MYT1: variants seen among roughly 807,000 people sequenced by gnomAD.
MYT1 encodes myelin transcription factor 1, also known as myelin transcription factor I.
Under a neutral mutation model 123.0 loss-of-function variants are expected in MYT1, and 23 were observed. The ratio of observed to expected loss-of-function variants is 0.19; its 90% CI spans 0.13 to 0.26. The LOEUF is 0.26. MYT1 is among the 10% of genes least tolerant of loss of function. The pLI, the probability that MYT1 is intolerant of heterozygous loss-of-function variation, is 1.00. For missense variants in MYT1, 1,125 were observed against 1,472.5 expected (o/e 0.76, Z 3.86); for synonymous variants, 518 against 575.3 (o/e 0.90, Z 1.43).
At chr20:64,179,827 C>T (rs1982585632) in intron 1 of MYT1, among the ~76,000 whole-genome samples, 1 of 151,910 alleles carries the variant, frequency 6.6e-6, no homozygotes, top group Non-Finnish European at 1.5e-5. Flanking sequence ...CACAGTTACA[C>T]AATGCTACAC....
chr20:64,219,242 G>C (rs1288618169), intron 12 of MYT1, among the ~76,000 whole-genome samples: 1 of 152,244 alleles, frequency 6.6e-6, no homozygotes, highest in Non-Finnish European at 1.5e-5. Context: ...GGTGTGCTGA[G>C]TGAAGGGGGA....
rs34822167 is a variant in MYT1 at position 64,198,286 on chromosome 20, C to CAAAAAAAA, written c.1-556_1-549dup. ...TGGGCGACAGAGCGAGACTCCGTCT[C>CAAAAAAAA]AAAAAAAAAAAAAAAAAAAAAAAAA... is the stretch of plus-strand genomic sequence containing the variant. On this transcript the variant is annotated intron_variant, in intron 2 of 22. Coordinates refer to ENST00000328439, the MANE Select transcript of MYT1 (RefSeq NM_004535.3). 2.6e-3 allele frequency among the ~76,000 whole-genome samples: 63 copies of CAAAAAAAA among 23,822 alleles called. 2 individuals are homozygous for CAAAAAAAA. Among genetic ancestry groups the CAAAAAAAA allele is most frequent in the African/African-American group, 6.7e-3 (60 of 8,958 alleles). The allele number at this position is 23,822 out of a possible 152,430, so 15.6% of individuals were successfully genotyped here. A position where few individuals can be genotyped will look rare whatever the true frequency, so the allele number is the denominator to read the frequency against.
At chr20:64,209,471 C>G (rs1337405104) in intron 7 of MYT1, among the ~76,000 whole-genome samples, 1 of 152,210 alleles carries the variant, frequency 6.6e-6, no homozygotes, top group Non-Finnish European at 1.5e-5. Context: ...ATCTCGGCCT[C>G]TTTTTTCCCC....
At chr20:64,217,848 G>T (rs977250735) in intron 11 of MYT1, among the ~76,000 whole-genome samples, 3 of 152,220 alleles carry the variant, frequency 2.0e-5, no homozygotes, top group Admixed American at 1.3e-4. Flanking sequence ...CTGGGTAATT[G>T]TACTGACAAA....
At chr20:64,165,142 C>T (rs552809192) in intron 1 of MYT1, among the ~76,000 whole-genome samples, 1 of 152,100 alleles carries the variant, frequency 6.6e-6, no homozygotes, top group East Asian at 1.9e-4. Context: ...GAGCACTGGC[C>T]GCTTAAGCAG....
At chr20:64,182,722 T>C (rs1054298424) in intron 1 of MYT1, among the ~76,000 whole-genome samples, 2 of 152,084 alleles carry the variant, frequency 1.3e-5, no homozygotes, top group Non-Finnish European at 2.9e-5. Context: ...GTGGTCCAGT[T>C]TGGGGTTGAG....
intron 2 of MYT1, among the ~76,000 whole-genome samples, chr20:64,197,928 G>A (rs1251817114): frequency 6.6e-6 from 1 of 152,188 alleles, no homozygotes; most frequent in Non-Finnish European, 1.5e-5. Flanking sequence ...GAGAACATAT[G>A]GGCTGGGGCC....
chr20:64,233,186 TTTC>T (rs1984378227), intron 19 of MYT1, among the ~76,000 whole-genome samples: 1 of 92,924 alleles, frequency 1.1e-5, no homozygotes, highest in Non-Finnish European at 2.2e-5. Flanking sequence ...CCCTCTCCCC[TTTC>T]CTCCCCTCTC....
At chr20:64,171,280 C>CG (rs1193579139) in intron 1 of MYT1, among the ~76,000 whole-genome samples, 1 of 152,074 alleles carries the variant, frequency 6.6e-6, no homozygotes, top group Non-Finnish European at 1.5e-5. Context: ...CCTCATCCAG[C>CG]GGTAAGTCCT....
intron 1 of MYT1, among the ~76,000 whole-genome samples, chr20:64,177,536 C>T (rs891029356): frequency 2.1e-5 from 3 of 143,736 alleles, no homozygotes; most frequent in East Asian, 2.0e-4. Context: ...AAGAGGCCCT[C>T]GGGGCGGGGA....
Position 64,222,028 on chromosome 20 carries a change from A to G in MYT1, c.2377A>G (p.Ile793Val), listed in dbSNP as rs752084808. The G allele has an allele frequency of 1.8e-5, 29 of 1,612,748 alleles. No individual in the cohort carries two copies. The highest frequency in any genetic ancestry group is 2.2e-5 in the Non-Finnish European group (26 of 1,179,996). ...TAAGCTGAAGTTTCTCTCCAAGGAC[A>G]TAAAGAAGGAGCTGCTCACGTAAGT... is the stretch of plus-strand genomic sequence containing the variant. ...NFKLKFLSKDIKKELLTCPTP... is the reference protein window; with the variant it reads ...NFKLKFLSKDVKKELLTCPTP... Residue 793 changes from isoleucine to valine, a missense_variant, in exon 14 of 23, where the codon ATA (isoleucine) becomes GTA (valine). Ile to Val is a conservative substitution (Grantham distance 29). Transcript: ENST00000328439.
intron 1 of MYT1, among the ~76,000 whole-genome samples, chr20:64,173,531 C>T (rs1355318263): frequency 8.2e-6 from 1 of 121,608 alleles, no homozygotes; most frequent in East Asian, 2.5e-4. Context: ...TCTCCTCCTG[C>T]AGCATCCTTC....
chr20:64,225,558 G>A (rs1984147244), intron 16 of MYT1, among the ~76,000 whole-genome samples: 1 of 152,214 alleles, frequency 6.6e-6, no homozygotes. Flanking sequence ...GGTGAAGAAT[G>A]CCTGTCCACA....
intron 1 of MYT1, among the ~76,000 whole-genome samples, chr20:64,177,542 G>A (rs897785731): frequency 1.1e-4 from 15 of 142,804 alleles, no homozygotes; most frequent in African/African-American, 1.6e-4. Context: ...CCCTCGGGGC[G>A]GGGACAAGAG....
chr20:64,234,727 C>A (rs1457983804), intron 19 of MYT1, among the ~76,000 whole-genome samples: 1 of 129,226 alleles, frequency 7.7e-6, no homozygotes, highest in Non-Finnish European at 1.6e-5. Context: ...GGCTGAGTGA[C>A]CCTGGGCTGG....
At position 64,166,071 on chromosome 20, in the gene MYT1, A is replaced by G. The variant is rs1982072025; in HGVS notation, c.-99+1332A>G. Among the ~76,000 whole-genome samples the G allele has an allele frequency of 6.6e-6, 1 of 152,062 alleles. No homozygotes were observed. Among genetic ancestry groups the G allele is most frequent in the Non-Finnish European group, 1.5e-5 (1 of 67,972 alleles). ...CTGAGGGAGGCTCCCCTCGGCCCCC[A>G]GCCTCCCTGCCACCCCGGGCTCCCC... On this transcript the variant is annotated intron_variant, in intron 1 of 22. Transcript: ENST00000328439. The surrounding 1 kb of genome is among the most constrained non-coding windows in gnomAD (Gnocchi z 4.9).
chr20:64,181,736 C>T (rs1982656753), intron 1 of MYT1, among the ~76,000 whole-genome samples: 1 of 152,210 alleles, frequency 6.6e-6, no homozygotes, highest in Admixed American at 6.5e-5. Context: ...CAGGAAAGGT[C>T]CCAGGAACAG....
At chr20:64,227,285 C>T (rs910876992) in intron 16 of MYT1, 130 bp from the exon 17 acceptor site, 21 of 736,372 alleles carry the variant, frequency 2.9e-5, no homozygotes, top group African/African-American at 5.3e-5. Context: ...TGCTCCTCTG[C>T]GGACAAGGGA....
At chr20:64,172,082 A>G (rs901592835) in intron 1 of MYT1, among the ~76,000 whole-genome samples, 16 of 152,124 alleles carry the variant, frequency 1.1e-4, no homozygotes, top group Non-Finnish European at 2.4e-4. Context: ...GGTGTGGGTA[A>G]AGCGTTTGTG....
Sources: gnomAD v4.1 joint callset for allele counts (sites outside exome capture counted in the v4.1 genomes callset) on GRCh38, gnomAD v4.1.1 for gene constraint, Gnocchi (gnomAD v3.1) non-coding constraint, MANE v1.5 for transcripts, NCBI Gene and HGNC (gene_info 2026-07-23, HGNC 2026-07-21) for gene names.